C1orf87: variants seen among roughly 807,000 people sequenced by gnomAD.
C1orf87 encodes the protein uncharacterized protein C1orf87.
In C1orf87, 58 loss-of-function variants were observed where a neutral mutation model predicts 60.5. The ratio of observed to expected loss-of-function variants is 0.96; its 90% CI spans 0.78 to 1.19. The LOEUF is 1.19. Among genes scored for constraint, C1orf87 ranks in the 50% most tolerant of loss-of-function variants. C1orf87 has a pLI of 0.00. For synonymous variants in C1orf87, 236 were observed against 227.4 expected (o/e 1.04, Z -0.34); for missense variants, 673 against 638.6 (o/e 1.05, Z -0.58).
Position 60,025,486 on chromosome 1 carries a change from A to C in C1orf87, c.1042T>G (p.Cys348Gly). ...CLPLPKVRAICGKHGLYLTLS... is the reference protein window; with the variant it reads ...CLPLPKVRAIGGKHGLYLTLS... ...GTCAGATATAATCCATGCTTCCCAC[A>C]TATAGCCCTGACCTACAAGTTAAAA... The change falls in exon 8 of 12, where the codon TGT (cysteine) becomes GGT (glycine). Residue 348 changes from cysteine (C) to glycine (G), a missense_variant. Cys to Gly is a radical substitution (Grantham distance 159). Transcript: ENST00000371201. 1 of 1,610,038 alleles carries C rather than the reference A, an allele frequency of 6.2e-7. No individual in the cohort carries two copies. Among genetic ancestry groups the C allele is most frequent in the Non-Finnish European group, 8.5e-7 (1 of 1,178,430 alleles).
At chr1:60,018,074 G>A (rs972284908) in intron 8 of C1orf87, among the ~76,000 whole-genome samples, 1 of 152,152 alleles carries the variant, frequency 6.6e-6, no homozygotes, top group African/African-American at 2.4e-5. Context: ...CTGCTAATTA[G>A]CAAGCAGCCA....
At chr1:60,014,136 G>A (rs1332476046) in intron 8 of C1orf87, among the ~76,000 whole-genome samples, 1 of 152,120 alleles carries the variant, frequency 6.6e-6, no homozygotes, top group East Asian at 1.9e-4. Context: ...GAAGAGTTGT[G>A]TGTGGTTAAG....
Position 60,033,527 on chromosome 1 carries a change from C to A in C1orf87, c.978G>T (p.Leu326=). 7 of 1,613,918 alleles carry A rather than the reference C, an allele frequency of 4.3e-6. No individual in the cohort carries two copies. The highest frequency in any genetic ancestry group is 5.9e-6 in the Non-Finnish European group (7 of 1,179,918). ...NGRLNIDNLN[L]SFRKEDRSFS... The stretch of plus-strand genomic sequence containing the variant: ...ACGAGCGATCTTCTTTTCGAAAACT[C>A]AGATTGAGATTGTCTATGTTGAGTC... The change falls in exon 7 of 12, where the codon CTG becomes CTT. Residue 326 remains leucine, a synonymous_variant. Coordinates refer to ENST00000371201, the MANE Select transcript of C1orf87 (RefSeq NM_152377.3).
rs1430048347 is a variant in C1orf87 at position 60,037,304 on chromosome 1, G to A, written c.863+688C>T. Among the ~76,000 whole-genome samples, 132 of 152,176 alleles carry A rather than the reference G, an allele frequency of 8.7e-4. 2 individuals are homozygous for A. The highest frequency in any genetic ancestry group is 1.5e-4 in the Non-Finnish European group (10 of 68,024). ...TGGGCCTGTGGGATTTGGTCACGAG[G>A]GTGGAGTCCTCATGAGTGCAATTAG... On this transcript the variant is annotated intron_variant, in intron 6 of 11. Transcript: ENST00000371201.
At position 59,997,715 on chromosome 1, in the gene C1orf87, G is replaced by C; in HGVS notation, c.1374C>G (p.Pro458=). 1 of 1,613,962 alleles carries C rather than the reference G, an allele frequency of 6.2e-7. No homozygotes were observed. The highest frequency in any genetic ancestry group is 8.5e-7 in the Non-Finnish European group (1 of 1,179,904). ...KPLKIRPVSQ[P]FVNPAVKNKA... ...TGTTCTTCACAGCTGGATTCACGAA[G>C]GGCTGGGAGACTGGCCTGATCTTTA... Residue 458 remains proline (P), a synonymous_variant, in exon 11 of 12, where the codon CCC becomes CCG. Coordinates refer to ENST00000371201, the MANE Select transcript of C1orf87 (RefSeq NM_152377.3).
intron 3 of C1orf87, among the ~76,000 whole-genome samples, chr1:60,048,422 C>G (rs1204682954): frequency 6.6e-6 from 1 of 152,090 alleles, no homozygotes; most frequent in Non-Finnish European, 1.5e-5. Flanking sequence ...CTAAGCCACT[C>G]CTAGATTCCT....
At chr1:60,022,631 A>G (rs1291652127) in intron 8 of C1orf87, among the ~76,000 whole-genome samples, 1 of 152,082 alleles carries the variant, frequency 6.6e-6, no homozygotes, top group East Asian at 1.9e-4. Flanking sequence ...CTTTCTGTAG[A>G]TCTTAGAAAC....
intron 11 of C1orf87, among the ~76,000 whole-genome samples, chr1:59,996,758 A>T (rs1326574436): frequency 1.3e-5 from 2 of 152,164 alleles, no homozygotes; most frequent in Admixed American, 1.3e-4. Flanking sequence ...TTTTCTCTGA[A>T]TGCCCACAGA....
chr1:60,015,307 A>G (rs1645117687), intron 8 of C1orf87, among the ~76,000 whole-genome samples: 1 of 152,168 alleles, frequency 6.6e-6, no homozygotes, highest in Admixed American at 6.5e-5. Flanking sequence ...TCTCTAAGGA[A>G]GTGGACCCTC....
intron 6 of C1orf87, among the ~76,000 whole-genome samples, chr1:60,035,678 A>G (rs1014097395): frequency 2.6e-5 from 4 of 152,224 alleles, no homozygotes; most frequent in African/African-American, 4.8e-5. Context: ...TGCCTTTTCT[A>G]TAGAACAGAT....
In C1orf87 at chr1:59,990,806, C is replaced by T. The variant is rs143666543; in HGVS notation, c.1508G>A (p.Arg503His). ...TGVLEKERAR[R>H]LIHNYNLIYN... ...AATGAGATTGTAGTTGTGAATGAGG[C>T]GTCTGGCTCGTTCCTTCTCCAGAAC... The change falls in exon 12 of 12, where the codon CGC (arginine) becomes CAC (histidine). Residue 503 changes from arginine to histidine, a missense_variant. Transcript: ENST00000371201. 19 of 1,613,950 alleles carry T rather than the reference C, an allele frequency of 1.2e-5. No individual in the cohort carries two copies. The African/African-American group carries it at 1.2e-4, about 10-fold the overall frequency.
At chr1:60,025,347 T>G in intron 8 of C1orf87, 54 bp downstream of exon 8, 1 of 1,351,500 alleles carries the variant, frequency 7.4e-7, no homozygotes, top group Non-Finnish European at 1.1e-6. Flanking sequence ...ACCATATCAT[T>G]TGGGGAAGGG....
chr1:60,039,665 G>A (rs998082177), intron 5 of C1orf87, among the ~76,000 whole-genome samples: 1 of 152,122 alleles, frequency 6.6e-6, no homozygotes, highest in African/African-American at 2.4e-5. Context: ...CCCTAACATT[G>A]TTAAAAGCTG....
At position 60,039,901 on chromosome 1, in the gene C1orf87, A is replaced by G. The variant is rs753024134; in HGVS notation, c.747+16T>C. ...AACAAAAGGAACCCACACTTCCAAT[A>G]GTACAATTGCCATACCATTTCAGGA... On this transcript the variant is annotated intron_variant, in intron 5 of 11. Transcript: ENST00000371201. 24 of 1,606,448 alleles carry G rather than the reference A, an allele frequency of 1.5e-5. No homozygotes were observed. The highest frequency in any genetic ancestry group is 1.8e-5 in the Non-Finnish European group (21 of 1,177,306).
At chr1:60,070,387 G>C (rs1645576460) in intron 2 of C1orf87, among the ~76,000 whole-genome samples, 1 of 151,998 alleles carries the variant, frequency 6.6e-6, no homozygotes, top group African/African-American at 2.4e-5. Context: ...TGCTTCTTAA[G>C]TGGATTTTTA....
intron 8 of C1orf87, among the ~76,000 whole-genome samples, chr1:60,024,533 C>A (rs1271089403): frequency 6.6e-6 from 1 of 152,160 alleles, no homozygotes; most frequent in East Asian, 1.9e-4. Context: ...GACACATTAG[C>A]CAGCACTTAC....
intron 8 of C1orf87, among the ~76,000 whole-genome samples, chr1:60,014,068 T>C (rs886098407): frequency 6.6e-6 from 1 of 152,146 alleles, no homozygotes; most frequent in Non-Finnish European, 1.5e-5. Context: ...CCTTACCACC[T>C]TGCTTACTTC....
chr1:60,060,350 C>G (rs1645487007), intron 2 of C1orf87, among the ~76,000 whole-genome samples: 1 of 152,046 alleles, frequency 6.6e-6, no homozygotes, highest in African/African-American at 2.4e-5. Flanking sequence ...AAAAAATAAT[C>G]CTTATCAAGA....
chr1:60,027,338 G>A (rs1645205795), intron 7 of C1orf87, among the ~76,000 whole-genome samples: 1 of 152,120 alleles, frequency 6.6e-6, no homozygotes, highest in Non-Finnish European at 1.5e-5. Flanking sequence ...GGTTATGCAA[G>A]CCAGCCAATC....
Sources: gnomAD v4.1 joint callset for allele counts (sites outside exome capture counted in the v4.1 genomes callset) on GRCh38, gnomAD v4.1.1 for gene constraint, MANE v1.5 for transcripts, NCBI Gene and HGNC (gene_info 2026-07-23, HGNC 2026-07-21) for gene names.